Variants in WDR81 observed in about 807,000 individuals in gnomAD.
WDR81 encodes WD repeat domain 81.
A neutral mutation model predicts 140.8 loss-of-function variants in WDR81; 92 were observed. The ratio of observed to expected loss-of-function variants is 0.65; its 90% CI spans 0.55 to 0.78. WDR81 has a LOEUF of 0.78. Ranked by LOEUF, WDR81 falls within the 30% of genes least tolerant of loss-of-function variation. WDR81 has a pLI of 0.00. For missense variants in WDR81, 2,502 were observed against 2,636.4 expected, an observed-to-expected ratio of 0.95 and a Z score of 1.12; for synonymous variants, 1,183 against 1,156.4, an observed-to-expected ratio of 1.02 and a Z score of -0.47.
At chr17:1,723,425 TTA>T (rs1914987100), upstream of WDR81, among the ~76,000 whole-genome samples, 1 of 148,820 alleles carries the variant, frequency 6.7e-6, no homozygotes, top group Admixed American at 6.7e-5. Context: ...TTATTTTTAT[TTA>T]TTTATTTGGT....
At chr17:1,718,209 C>T (rs1189827849) in intron 1 of WDR81, among the ~76,000 whole-genome samples, 1 of 152,128 alleles carries the variant, frequency 6.6e-6, no homozygotes, top group African/African-American at 2.4e-5. Flanking sequence ...CCTCCACCTC[C>T]CGGGTTCAAG....
At position 1,728,397 on chromosome 17, in the gene WDR81, G is replaced by A. The variant is rs947193755; in HGVS notation, c.3438G>A (p.Leu1146=). The A allele has an allele frequency of 2.5e-6, 4 of 1,612,944 alleles. No homozygotes were observed. The highest frequency in any genetic ancestry group is 3.4e-6 in the Non-Finnish European group (4 of 1,179,894). ...GATCAGGTGACAGCAGCCAGGACTT[G>A]AAGCAAAGCGAGGGCTCCGAGGAGG... is the stretch of plus-strand genomic sequence containing the variant. ...SLRSGDSSQD[L]KQSEGSEEEE... is the part of the protein sequence containing the mutation. The change falls in exon 1 of 10, where the codon TTG becomes TTA. Residue 1146 remains leucine, a synonymous_variant. Coordinates refer to ENST00000409644, the MANE Select transcript of WDR81 (RefSeq NM_001163809.2).
chr17:1,734,671 C>T (rs1208394324), intron 7 of WDR81, among the ~76,000 whole-genome samples: 4 of 151,464 alleles, frequency 2.6e-5, no homozygotes, highest in Non-Finnish European at 5.9e-5. Context: ...CCCAACTACA[C>T]AGGAGGCTGA....
At chr17:1,724,471 C>A, upstream of WDR81, 1 of 985,026 alleles carries the variant, frequency 1.0e-6, no homozygotes. Context: ...CGCGCTGGTG[C>A]GTGCTGGAGG....
intron 6 of WDR81, 200 bp downstream of exon 6, chr17:1,733,031 C>A: frequency 1.5e-6 from 1 of 649,486 alleles, no homozygotes; most frequent in Non-Finnish European, 2.5e-6. Flanking sequence ...GCAAGAGAGG[C>A]CCAGAAGCTG....
In WDR81 at chr17:1,728,024, G is replaced by A. The variant is rs1915410073; in HGVS notation, c.3065G>A (p.Ser1022Asn). 3.2e-6 allele frequency: 5 copies of A among 1,554,742 alleles called. No homozygotes were observed. Among genetic ancestry groups the A allele is most frequent in the Non-Finnish European group, 4.3e-6 (5 of 1,149,666 alleles). The change falls in exon 1 of 10, where the codon AGC (serine) becomes AAC (asparagine). Residue 1022 changes from serine to asparagine, a missense_variant. This residue lies in a region of WDR81 where 1,737 missense variants were observed against 1,843.0 expected (regional missense o/e 0.94). Coordinates refer to ENST00000409644, the MANE Select transcript of WDR81 (RefSeq NM_001163809.2). The part of the protein sequence containing the change: ...LAGAEASQEE[S>N]KDLAGAAEEE... ...GGCGCAGAGGCCTCCCAGGAGGAGAGCAAGGACCTGGCAGGGGCTGCTGAG... is the reference window on the plus strand; with the variant it reads ...GGCGCAGAGGCCTCCCAGGAGGAGAACAAGGACCTGGCAGGGGCTGCTGAG...
chr17:1,727,239 T>C lies in WDR81; in HGVS notation c.2280T>C (p.Ala760=), dbSNP rs1915343241. 1 of 1,550,372 alleles carries C rather than the reference T, an allele frequency of 6.5e-7. No homozygotes were observed. The highest frequency in any genetic ancestry group is 1.4e-5 in the African/African-American group (1 of 73,192). Residue 760 remains alanine (A), a synonymous_variant, in exon 1 of 10, where the codon GCT becomes GCC. Coordinates refer to ENST00000409644, the MANE Select transcript of WDR81 (RefSeq NM_001163809.2). ...EVPEQPRVQP[A]VPLQCLLHRD... is the part of the protein sequence containing the mutation. ...CTGAGCAGCCCCGGGTCCAGCCGGCTGTGCCACTGCAGTGCCTACTCCACA... is the reference window on the plus strand; with the variant it reads ...CTGAGCAGCCCCGGGTCCAGCCGGCCGTGCCACTGCAGTGCCTACTCCACA...
intron 2 of WDR81, 46 bp from the exon 3 acceptor site, chr17:1,730,709 C>T: frequency 6.4e-7 from 1 of 1,561,956 alleles, no homozygotes; most frequent in Non-Finnish European, 8.7e-7. Flanking sequence ...CAGGCTACCC[C>T]CGGCCCTCCA....
rs547107402 is a variant in WDR81 at position 1,728,170 on chromosome 17, G to A, written c.3211G>A (p.Val1071Ile). Residue 1071 changes from valine to isoleucine, a missense_variant, in exon 1 of 10, where the codon GTC becomes ATC. Physicochemically the swap from Val to Ile is conservative, Grantham distance 29. Coordinates refer to ENST00000409644, the MANE Select transcript of WDR81 (RefSeq NM_001163809.2). The part of the protein sequence containing the change: ...GLGLPDYTSG[V>I]SFHDQADLPE... ...GGGGCTCCCAGACTACACGTCTGGC[G>A]TCAGCTTCCACGACCAGGCTGACCT... The A allele has an allele frequency of 7.5e-5, 121 of 1,605,566 alleles. No homozygotes were observed. The highest frequency in any genetic ancestry group is 1.8e-4 in the East Asian group (8 of 44,684).
Position 1,728,433 on chromosome 17 carries a change from G to A in WDR81, c.3474G>A (p.Glu1158=). The A allele has an allele frequency of 1.2e-6, 2 of 1,612,622 alleles. No homozygotes were observed. The highest frequency in any genetic ancestry group is 1.7e-6 in the Non-Finnish European group (2 of 1,179,568). ...QSEGSEEEEE[E]EDSCVVLEEE... ...AGGGCTCCGAGGAGGAAGAGGAGGA[G>A]GAGGACAGCTGCGTGGTGCTAGAGG... Residue 1158 remains glutamate (E), a synonymous_variant, in exon 1 of 10, where the codon GAG becomes GAA. Coordinates refer to ENST00000409644, the MANE Select transcript of WDR81 (RefSeq NM_001163809.2).
In WDR81 at chr17:1,727,047, A is replaced by G. The variant is rs771992095; in HGVS notation, c.2088A>G (p.Ser696=). The part of the protein sequence containing the change: ...SPGLLSFSVA[S]ASRPGRRNKA... ...GACTTCTCTCTTTCTCAGTGGCCTC[A>G]GCCTCCCGTCCAGGCCGCAGGAATA... is the stretch of plus-strand genomic sequence containing the variant. Residue 696 remains serine (S), a synonymous_variant, in exon 1 of 10, where the codon TCA becomes TCG. Coordinates refer to ENST00000409644, the MANE Select transcript of WDR81 (RefSeq NM_001163809.2). 2 of 1,550,346 alleles carry G rather than the reference A, an allele frequency of 1.3e-6. No homozygotes were observed. Among genetic ancestry groups the G allele is most frequent in the South Asian group, 2.4e-5 (2 of 84,060 alleles).
At chr17:1,737,344 G>T (rs746510472) in intron 9 of WDR81, 21 bp from the exon 10 acceptor site, 6 of 1,582,726 alleles carry the variant, frequency 3.8e-6, no homozygotes, top group Admixed American at 3.5e-5. Flanking sequence ...CTCCTGCTGA[G>T]GCTCTCCTCT....
chr17:1,724,598 C>CGGGA (rs1454108416), upstream of WDR81: 3 of 346,504 alleles, frequency 8.7e-6, no homozygotes, highest in African/African-American at 4.5e-5. Flanking sequence ...AGCGGAGCAG[C>CGGGA]GGGAGGGAGG....
upstream of WDR81, chr17:1,724,645 C>A (rs1597283662): frequency 9.8e-7 from 1 of 1,025,050 alleles, no homozygotes; most frequent in South Asian, 4.6e-5. Flanking sequence ...GGGTCCCGCC[C>A]GGGCCTCTGG....
chr17:1,728,948 A>G lies in WDR81; in HGVS notation c.3667+322A>G, dbSNP rs201621511. On this transcript the variant is annotated intron_variant, in intron 1 of 9. Transcript: ENST00000409644. Reference sequence around the variant, plus strand: ...AGCCTGGGCGACAGAGCGAGACTCCATCTCAAAAAAACAAAACAAAACAAA... The same window carrying G: ...AGCCTGGGCGACAGAGCGAGACTCCGTCTCAAAAAAACAAAACAAAACAAA... Among the ~76,000 whole-genome samples, 17 of 151,728 alleles carry G rather than the reference A, an allele frequency of 1.1e-4. No individual in the cohort carries two copies. In the East Asian group the frequency reaches 2.7e-3, roughly 25 times the overall value.
intron 6 of WDR81, 84 bp from the exon 7 acceptor site, chr17:1,733,440 ATCT>A (rs1443653440): frequency 1.9e-5 from 26 of 1,374,202 alleles, no homozygotes; most frequent in Non-Finnish European, 2.4e-5. Context: ...TTCCTGCCCC[ATCT>A]TCTGTGGCTC....
At chr17:1,723,409 A>AT (rs1255330350), upstream of WDR81, among the ~76,000 whole-genome samples, 11 of 146,378 alleles carry the variant, frequency 7.5e-5, no homozygotes, top group Non-Finnish European at 1.5e-4. Flanking sequence ...ATTTTATTTT[A>AT]TTTATTTATT....
rs1360252783 is a variant in WDR81, at chr17:1,732,440, G to T, written c.4273G>T (p.Val1425Leu). 1.2e-6 allele frequency: 2 copies of T among 1,613,500 alleles called. No individual in the cohort carries two copies. The highest frequency in any genetic ancestry group is 1.7e-6 in the Non-Finnish European group (2 of 1,180,018). ...EMVQQHLSEP[V>L]ATFFQVFSQL... ...GGTCCAGCAGCACCTGAGCGAGCCCGTGGCCACCTTTTTCCAGGTCTTCTC... is the reference window on the plus strand; with the variant it reads ...GGTCCAGCAGCACCTGAGCGAGCCCTTGGCCACCTTTTTCCAGGTCTTCTC... The change falls in exon 5 of 10, where the codon GTG (valine) becomes TTG (leucine). Residue 1425 changes from valine (V) to leucine (L), a missense_variant. Val to Leu is a conservative substitution (Grantham distance 32). This residue lies in a region of WDR81 where 1,737 missense variants were observed against 1,843.0 expected (regional missense o/e 0.94). Transcript: ENST00000409644.
At chr17:1,718,642 G>A (rs1169362021) in intron 1 of WDR81, among the ~76,000 whole-genome samples, 1 of 152,242 alleles carries the variant, frequency 6.6e-6, no homozygotes, top group African/African-American at 2.4e-5. Flanking sequence ...TGAGTTGGGA[G>A]TCAGGGTCAC....
Sources: gnomAD v4.1 joint callset for allele counts (sites outside exome capture counted in the v4.1 genomes callset) on GRCh38, gnomAD v4.1.1 for gene constraint, gnomAD v4.1.1 regional missense constraint, MANE v1.5 for transcripts, NCBI Gene and HGNC (gene_info 2026-07-23, HGNC 2026-07-21) for gene names.